The following PCDH11X variants were observed in gnomAD, a reference collection of about 807,000 sequenced individuals.
PCDH11X encodes the protein protocadherin-11 X-linked.
A neutral mutation model predicts 53.3 loss-of-function variants in PCDH11X; 18 were observed. That is an observed-to-expected ratio of 0.34 (90% CI 0.23 to 0.50). The LOEUF (loss-of-function observed/expected upper bound fraction) is 0.50, where lower values mean the gene tolerates loss of function less well. Ranked by LOEUF, PCDH11X falls within the 20% of genes least tolerant of loss-of-function variation. PCDH11X has a pLI of 0.98. For missense variants in PCDH11X, 570 were observed against 1,032.4 expected (o/e 0.55, Z 6.14); for synonymous variants, 279 against 393.3 (o/e 0.71, Z 3.44).
intron 4 of PCDH11X, among the ~76,000 whole-genome samples, chrX:91,815,869 A>T (rs1297630828): frequency 9.0e-6 from 1 of 110,906 alleles, no homozygotes; most frequent in Non-Finnish European, 1.9e-5. Flanking sequence ...AAAGGTAAAA[A>T]AATATCCCAG....
intron 4 of PCDH11X, among the ~76,000 whole-genome samples, chrX:91,818,544 A>G (rs1339474211): frequency 1.8e-5 from 2 of 109,863 alleles, no homozygotes; most frequent in Non-Finnish European, 3.8e-5. Context: ...CTAAAAAAAA[A>G]AATACAAAAA....
At chrX:92,132,161 T>C (rs1603012522) in intron 6 of PCDH11X, among the ~76,000 whole-genome samples, 1 of 93,128 alleles carries the variant, frequency 1.1e-5, no homozygotes, top group African/African-American at 4.0e-5. Flanking sequence ...GGTGGGGGCC[T>C]GTAATCCCAG....
At chrX:92,512,482 G>A (rs1484548471) in intron 10 of PCDH11X, among the ~76,000 whole-genome samples, 2 of 111,520 alleles carry the variant, frequency 1.8e-5, no homozygotes, top group African/African-American at 6.5e-5. Context: ...TGAGGAGACT[G>A]GGTTTATGAA....
intron 9 of PCDH11X, 123 bp downstream of exon 9, chrX:92,388,056 A>G (rs1169555953): frequency 1.0e-6 from 1 of 996,832 alleles, no homozygotes; most frequent in Non-Finnish European, 1.4e-6. Context: ...CACATTTTTG[A>G]AAGGTAAACA....
At chrX:91,949,240 A>T (rs1410459566) in intron 6 of PCDH11X, among the ~76,000 whole-genome samples, 2 of 109,562 alleles carry the variant, frequency 1.8e-5, no homozygotes, top group African/African-American at 6.6e-5. Context: ...ATTCTGACAA[A>T]GATGAATTGA....
intron 8 of PCDH11X, among the ~76,000 whole-genome samples, chrX:92,351,010 A>G (rs2058551518): frequency 8.9e-6 from 1 of 112,085 alleles, no homozygotes; most frequent in African/African-American, 3.2e-5. Flanking sequence ...TTGAAGTTCT[A>G]TAGATGATTT....
chrX:92,098,803 ATAC>A (rs1349123173), intron 6 of PCDH11X, among the ~76,000 whole-genome samples: 6 of 109,504 alleles, frequency 5.5e-5, no homozygotes, highest in Admixed American at 9.8e-5. Context: ...ATGTGCCACC[ATAC>A]CCAGCTAATT....
chrX:91,873,030 T>C (rs1939408058), intron 5 of PCDH11X, among the ~76,000 whole-genome samples: 1 of 108,738 alleles, frequency 9.2e-6, no homozygotes, highest in African/African-American at 3.3e-5. Context: ...CAAAATTTTG[T>C]TGAAAATTAT....
intron 6 of PCDH11X, among the ~76,000 whole-genome samples, chrX:92,156,303 T>A (rs2065535477): frequency 9.1e-6 from 1 of 109,811 alleles, no homozygotes. Flanking sequence ...GGGTGTGCTC[T>A]TTCCTTAGGA....
chrX:92,121,245 T>G, intron 6 of PCDH11X, among the ~76,000 whole-genome samples: 1 of 110,151 alleles, frequency 9.1e-6, no homozygotes, highest in Non-Finnish European at 1.9e-5. Context: ...AACCTCTGCC[T>G]CTTGGGTTCA....
intron 7 of PCDH11X, among the ~76,000 whole-genome samples, chrX:92,227,252 C>T (rs766640677): frequency 1.3e-4 from 14 of 111,256 alleles, no homozygotes; most frequent in African/African-American, 4.6e-4. Context: ...CCACATTGAT[C>T]CTATAAAATA....
In PCDH11X at chrX:92,151,826, A is replaced by G. The variant is rs141162610; in HGVS notation, c.3034-49549A>G. ...TATTTTATTAATTCATTTAATTTCT[A>G]TGTAATTATTTCTCTGTAAACCTAA... On this transcript the variant is annotated intron_variant, in intron 6 of 10. Transcript: ENST00000682573. Among the ~76,000 whole-genome samples, 720 of 111,336 alleles carry G rather than the reference A, an allele frequency of 6.5e-3. 8 individuals carry two copies. Among genetic ancestry groups the G allele is most frequent in the African/African-American group, 0.023 (697 of 30,699 alleles).
chrX:91,847,145 T>TTGTGTGTG lies in PCDH11X; in HGVS notation c.540+11115_540+11122dup, dbSNP rs754247208. 8.1e-4 allele frequency among the ~76,000 whole-genome samples: 87 copies of TTGTGTGTG among 106,920 alleles called. 3 individuals carry two copies. In the South Asian group the frequency reaches 0.036, roughly 44 times the overall value. The allele number at this position is 106,920 out of a possible 115,157, so 92.8% of individuals were successfully genotyped here. A position where few individuals can be genotyped will look rare whatever the true frequency, so the allele number is the denominator to read the frequency against. On this transcript the variant is annotated intron_variant, in intron 5 of 10. Transcript: ENST00000682573. Reference sequence around the variant, plus strand: ...AAAGAATGAATTATCTTTGTGTCCTTTGTGTGTGTGTGTGTGTGTGTATTA... The same window carrying TTGTGTGTG: ...AAAGAATGAATTATCTTTGTGTCCTTTGTGTGTGTGTGTGTGTGTGTGTGTGTGTATTA...
In PCDH11X at chrX:91,932,697, TGTGC is replaced by T. The variant is rs776030529; in HGVS notation, c.3033+53426_3033+53429del. ...GTGTGTGTGTGTGTGTGTGTGTGTG[TGTGC>T]GCGCGCGCGCGCCTGAGAAAGAGAT... On this transcript the variant is annotated intron_variant, in intron 6 of 10. Transcript: ENST00000682573. Among the ~76,000 whole-genome samples, 237 of 95,216 alleles carry T rather than the reference TGTGC, an allele frequency of 2.5e-3. 2 individuals carry two copies. The South Asian group carries it at 0.056, about 22-fold the overall frequency. 82.7% of individuals were successfully genotyped at this position (95,216 alleles called of 115,157 possible).
intron 10 of PCDH11X, among the ~76,000 whole-genome samples, chrX:92,568,299 G>T (rs983382563): frequency 4.6e-5 from 5 of 109,557 alleles, no homozygotes; most frequent in African/African-American, 1.0e-4. Flanking sequence ...GCGGGCGCCT[G>T]TAGTCCCAGC....
rs2061622756 is a variant in PCDH11X, at chrX:91,950,278, A to G, written c.3033+71005A>G. The stretch of plus-strand genomic sequence containing the variant: ...GTAGCGTACACTCTACTCAATAGGT[A>G]GTTTTTAATCCCTCATCTCCCTCTC... On this transcript the variant is annotated intron_variant, in intron 6 of 10. Coordinates refer to ENST00000682573, the MANE Select transcript of PCDH11X (RefSeq NM_032968.5). Among the ~76,000 whole-genome samples the G allele has an allele frequency of 2.8e-5, 3 of 106,207 alleles. 1 individual carries two copies. In the Admixed American group the frequency reaches 3.1e-4, roughly 11 times the overall value. 92.2% of individuals were successfully genotyped at this position (106,207 alleles called of 115,157 possible). A position where few individuals can be genotyped will look rare whatever the true frequency, so the allele number is the denominator to read the frequency against.
rs767831312 is a variant in PCDH11X, at chrX:92,027,643, C to T, written c.3033+148370C>T. Among the ~76,000 whole-genome samples, 388 of 102,556 alleles carry T rather than the reference C, an allele frequency of 3.8e-3. 5 individuals carry two copies. Among genetic ancestry groups the T allele is most frequent in the African/African-American group, 0.013 (374 of 28,237 alleles). 89.1% of individuals were successfully genotyped at this position (102,556 alleles called of 115,157 possible). Reference sequence around the variant, plus strand: ...AATTATGCTTAGTAGTTAGTCCATGCATAAAAAAGCATTATAAAATACATA... The same window carrying T: ...AATTATGCTTAGTAGTTAGTCCATGTATAAAAAAGCATTATAAAATACATA... On this transcript the variant is annotated intron_variant, in intron 6 of 10. Transcript: ENST00000682573.
At chrX:92,331,318 C>CTTCTTCTTCTTCTTCTT (rs58451818) in intron 8 of PCDH11X, among the ~76,000 whole-genome samples, 1 of 92,612 alleles carries the variant, frequency 1.1e-5, no homozygotes, top group African/African-American at 4.1e-5. Flanking sequence ...TCTTCTTCTT[C>CTTCTTCTTCTTCTTCTT]CTCTTCTTCT....
At chrX:92,011,422 T>A (rs1379393547) in intron 6 of PCDH11X, among the ~76,000 whole-genome samples, 4 of 112,140 alleles carry the variant, frequency 3.6e-5, no homozygotes, top group Non-Finnish European at 7.5e-5. Flanking sequence ...TTCCAAAAAG[T>A]CACTATTTTT....
Sources: gnomAD v4.1 joint callset for allele counts (sites outside exome capture counted in the v4.1 genomes callset) on GRCh38, gnomAD v4.1.1 for gene constraint, MANE v1.5 for transcripts, NCBI Gene and HGNC (gene_info 2026-07-23, HGNC 2026-07-21) for gene names.